The following OGDH variants were observed in gnomAD, a reference collection of about 807,000 sequenced individuals.
The protein encoded by OGDH is oxoglutarate dehydrogenase, also known as 2-oxoglutarate dehydrogenase complex component E1.
A neutral mutation model predicts 116.6 loss-of-function variants in OGDH; 38 were observed. That is an observed-to-expected ratio of 0.33 (90% CI 0.25 to 0.43). OGDH has a LOEUF of 0.43. Ranked by LOEUF, OGDH falls within the 20% of genes least tolerant of loss-of-function variation. OGDH has a pLI of 1.00. For missense variants in OGDH, 825 were observed against 1,357.2 expected (o/e 0.61, Z 6.16); for synonymous variants, 488 against 533.3 (o/e 0.92, Z 1.17).
In OGDH at chr7:44,694,392, T is replaced by G; in HGVS notation, c.1516-32T>G. The stretch of plus-strand genomic sequence containing the variant: ...CACTTCTTCCCAAGGGGCCAGCCCT[T>G]GTCTCTGACATCCTCTCACTGCTCT... On this transcript the variant is annotated intron_variant, in intron 11 of 22. Transcript: ENST00000222673. The surrounding 1 kb of genome is among the most constrained non-coding windows in gnomAD (Gnocchi z 4.2). 2 of 1,611,280 alleles carry G rather than the reference T, an allele frequency of 1.2e-6. No individual in the cohort carries two copies. Among genetic ancestry groups the G allele is most frequent in the Non-Finnish European group, 1.7e-6 (2 of 1,178,720 alleles).
At chr7:44,705,428 A>C (rs1243781846) in intron 20 of OGDH, among the ~76,000 whole-genome samples, 1 of 152,172 alleles carries the variant, frequency 6.6e-6, no homozygotes, top group Non-Finnish European at 1.5e-5. Context: ...ATATCTAAGA[A>C]ATCATTACCA....
At chr7:44,705,765 G>A (rs1023011061) in intron 20 of OGDH, among the ~76,000 whole-genome samples, 4 of 152,102 alleles carry the variant, frequency 2.6e-5, no homozygotes, top group African/African-American at 4.8e-5. Flanking sequence ...ATTGTTCATT[G>A]TTAGTGTATA....
chr7:44,680,003 G>A (rs1371192471), intron 9 of OGDH, among the ~76,000 whole-genome samples: 3 of 152,116 alleles, frequency 2.0e-5, no homozygotes, highest in Non-Finnish European at 4.4e-5. Flanking sequence ...TTGAACCCAG[G>A]AGTTTGAGAC....
intron 12 of OGDH, 24 bp from the exon 13 acceptor site, chr7:44,696,001 G>A (rs370569633): frequency 1.4e-5 from 19 of 1,322,910 alleles, no homozygotes; most frequent in African/African-American, 8.7e-5. Context: ...TGCCAGTCAC[G>A]CTGTGTTGTG....
intron 10 of OGDH, among the ~76,000 whole-genome samples, chr7:44,685,144 T>C (rs1182059850): frequency 6.6e-6 from 1 of 152,170 alleles, no homozygotes; most frequent in South Asian, 2.1e-4. Context: ...TTAACTATTT[T>C]TAAGTGAACA....
At chr7:44,688,048 A>C (rs964496833) in intron 10 of OGDH, among the ~76,000 whole-genome samples, 2 of 152,094 alleles carry the variant, frequency 1.3e-5, no homozygotes, top group African/African-American at 4.8e-5. Flanking sequence ...GAACGTTTAG[A>C]TTGTTTCTAC....
At chr7:44,649,807 GA>G (rs1786353261) in intron 4 of OGDH, among the ~76,000 whole-genome samples, 1 of 152,160 alleles carries the variant, frequency 6.6e-6, no homozygotes, top group African/African-American at 2.4e-5. Flanking sequence ...GGCAGGGCCA[GA>G]ATCTGGGAAT....
At chr7:44,625,974 A>C (rs907039068) in intron 2 of OGDH, among the ~76,000 whole-genome samples, 36 of 152,070 alleles carry the variant, frequency 2.4e-4, no homozygotes, top group African/African-American at 8.0e-4. Flanking sequence ...CCCTGTCTCT[A>C]AAATTTAAAA....
At chr7:44,641,458 T>C (rs1490062514) in intron 2 of OGDH, among the ~76,000 whole-genome samples, 1 of 151,148 alleles carries the variant, frequency 6.6e-6, no homozygotes, top group Admixed American at 6.6e-5. Flanking sequence ...ACTCCTGATC[T>C]CAGGTGACCC....
chr7:44,694,485 T>C lies in OGDH; in HGVS notation c.1577T>C (p.Met526Thr). Residue 526 changes from methionine to threonine, a missense_variant, in exon 12 of 23, where the codon ATG becomes ACG. This residue lies in a region of OGDH where 146 missense variants were observed against 317.3 expected (regional missense o/e 0.46). Transcript: ENST00000222673. The surrounding 1 kb of genome is among the most constrained non-coding windows in gnomAD (Gnocchi z 4.2). ...MDEPMFTQPL[M>T]YKQIRKQKPV... is the part of the protein sequence containing the mutation. ...GAGCCCATGTTCACGCAGCCGCTCATGTACAAGCAGATCCGCAAGCAGAAG... is the reference window on the plus strand; with the variant it reads ...GAGCCCATGTTCACGCAGCCGCTCACGTACAAGCAGATCCGCAAGCAGAAG... 1 of 1,613,916 alleles carries C rather than the reference T, an allele frequency of 6.2e-7. No individual in the cohort carries two copies. Among genetic ancestry groups the C allele is most frequent in the Non-Finnish European group, 8.5e-7 (1 of 1,179,996 alleles).
At chr7:44,653,727 T>C (rs911653871) in intron 4 of OGDH, among the ~76,000 whole-genome samples, 1 of 152,184 alleles carries the variant, frequency 6.6e-6, no homozygotes, top group Non-Finnish European at 1.5e-5. Flanking sequence ...GGTTTTACCA[T>C]GTTGGCCAGG....
Position 44,661,631 on chromosome 7 carries a change from G to A in OGDH, c.518-5105G>A, listed in dbSNP as rs147004757. Among the ~76,000 whole-genome samples the A allele has an allele frequency of 5.8e-3, 880 of 151,216 alleles. 10 individuals carry two copies. The highest frequency in any genetic ancestry group is 0.019 in the African/African-American group (802 of 41,180). ...GGGTTTTTTTTTGAGACGGAGTTTC[G>A]CTCTTTCACCCAGGCTAGAGTGGTG... On this transcript the variant is annotated intron_variant, in intron 4 of 22. Coordinates refer to ENST00000222673, the MANE Select transcript of OGDH (RefSeq NM_002541.4).
rs373398263 is a variant in OGDH at position 44,672,953 on chromosome 7, T to C, written c.634-834T>C. On this transcript the variant is annotated intron_variant, in intron 5 of 22. Coordinates refer to ENST00000222673, the MANE Select transcript of OGDH (RefSeq NM_002541.4). ...ACCGCGCCTGGCCCCGAGATGGACT[T>C]CTAAGAGCCTGGTGCCTCCTCTCGC... Among the ~76,000 whole-genome samples, 357 of 152,206 alleles carry C rather than the reference T, an allele frequency of 2.3e-3. 1 individual carries two copies. Among genetic ancestry groups the C allele is most frequent in the African/African-American group, 8.2e-3 (340 of 41,530 alleles).
intron 2 of OGDH, among the ~76,000 whole-genome samples, chr7:44,637,400 G>A (rs1785718093): frequency 1.3e-5 from 2 of 152,160 alleles, no homozygotes; most frequent in South Asian, 4.1e-4. Context: ...TCTTATTCTT[G>A]TTAAGAGTAA....
At chr7:44,691,874 G>A (rs1309284790) in intron 10 of OGDH, among the ~76,000 whole-genome samples, 2 of 150,082 alleles carry the variant, frequency 1.3e-5, no homozygotes, top group South Asian at 4.2e-4. Context: ...TCCCAGCTAC[G>A]CAGGAGGCTG....
At chr7:44,676,255 T>C (rs752448757) in intron 9 of OGDH, 106 bp downstream of exon 9, 1 of 1,589,544 alleles carries the variant, frequency 6.3e-7, no homozygotes, top group South Asian at 1.1e-5. Context: ...ATCTAGACTT[T>C]AAAAAAATAT....
intron 2 of OGDH, among the ~76,000 whole-genome samples, chr7:44,628,117 G>T (rs1401865132): frequency 6.6e-6 from 1 of 152,178 alleles, no homozygotes; most frequent in Non-Finnish European, 1.5e-5. Flanking sequence ...CTACCCCAGT[G>T]ACTTTTTTAT....
intron 1 of OGDH, among the ~76,000 whole-genome samples, chr7:44,607,266 C>G (rs1173172213): frequency 6.6e-6 from 1 of 152,160 alleles, no homozygotes; most frequent in African/African-American, 2.4e-5. Context: ...ACAGATTGAC[C>G]GAGATGAAGC....
intron 10 of OGDH, among the ~76,000 whole-genome samples, chr7:44,687,081 AT>A (rs1468227083): frequency 1.5e-5 from 2 of 131,200 alleles, no homozygotes; most frequent in African/African-American, 5.9e-5. Context: ...TTTTAAAAAA[AT>A]TTTTTTTAAT....
Sources: gnomAD v4.1 joint callset for allele counts (sites outside exome capture counted in the v4.1 genomes callset) on GRCh38, gnomAD v4.1.1 for gene constraint, gnomAD v4.1.1 regional missense constraint, Gnocchi (gnomAD v3.1) non-coding constraint, MANE v1.5 for transcripts, NCBI Gene and HGNC (gene_info 2026-07-23, HGNC 2026-07-21) for gene names.